The following PKHD1 variants were observed in gnomAD, a reference collection of about 807,000 sequenced individuals.
PKHD1 encodes PKHD1 ciliary IPT domain containing fibrocystin/polyductin, also known as fibrocystin.
In PKHD1, 291 loss-of-function variants were observed where a neutral mutation model predicts 412.0. The ratio of observed to expected loss-of-function variants is 0.71; its 90% CI spans 0.64 to 0.78. The LOEUF is 0.78. Ranked by LOEUF, PKHD1 falls within the 30% of genes least tolerant of loss-of-function variation. The pLI is 0.00. For synonymous variants in PKHD1, 1,777 were observed against 1,821.5 expected (o/e 0.98, Z 0.62); for missense variants, 4,825 against 4,950.7 (o/e 0.97, Z 0.76).
chr6:52,043,382 T>C (rs1227630031), intron 26 of PKHD1, among the ~76,000 whole-genome samples: 3 of 152,164 alleles, frequency 2.0e-5, no homozygotes. Flanking sequence ...GAACATAATA[T>C]TTCAAAATAA....
chr6:51,859,448 C>T (rs1450423300), intron 48 of PKHD1, among the ~76,000 whole-genome samples: 2 of 146,888 alleles, frequency 1.4e-5, no homozygotes, highest in South Asian at 2.1e-4. Context: ...ATGGCGTGAA[C>T]CTGGGAGGCA....
intron 37 of PKHD1, among the ~76,000 whole-genome samples, chr6:51,928,933 G>A (rs1786140553): frequency 6.6e-6 from 1 of 152,058 alleles, no homozygotes; most frequent in Admixed American, 6.6e-5. Flanking sequence ...GTTTCCAGTG[G>A]GCTTCTGTCC....
At chr6:51,833,093 C>T (rs927328450) in intron 51 of PKHD1, among the ~76,000 whole-genome samples, 4 of 152,126 alleles carry the variant, frequency 2.6e-5, no homozygotes, top group Admixed American at 6.6e-5. Flanking sequence ...CAGGGTGACC[C>T]CTAGCTTGCC....
chr6:51,796,682 T>A (rs1794659947), intron 52 of PKHD1, among the ~76,000 whole-genome samples: 1 of 152,190 alleles, frequency 6.6e-6, no homozygotes, highest in Non-Finnish European at 1.5e-5. Context: ...GTCCCAGATA[T>A]TCTGGTATGG....
At chr6:51,764,409 AAAC>A (rs1788599419) in intron 55 of PKHD1, among the ~76,000 whole-genome samples, 1 of 147,210 alleles carries the variant, frequency 6.8e-6, no homozygotes, top group African/African-American at 2.5e-5. Flanking sequence ...AAAAGTCAGG[AAAC>A]AACAGGTGCT....
chr6:51,947,600 C>T (rs1384747993), intron 36 of PKHD1, among the ~76,000 whole-genome samples: 1 of 152,134 alleles, frequency 6.6e-6, no homozygotes, highest in Non-Finnish European at 1.5e-5. Flanking sequence ...CCTCTTACTT[C>T]TTAGGCATCC....
chr6:51,942,466 C>T (rs919688829), intron 36 of PKHD1, among the ~76,000 whole-genome samples: 1 of 151,640 alleles, frequency 6.6e-6, no homozygotes, highest in Non-Finnish European at 1.5e-5. Context: ...TTCTTCCTCA[C>T]ACCTGACACA....
At chr6:51,823,030 T>C (rs1562391548) in intron 52 of PKHD1, among the ~76,000 whole-genome samples, 3 of 151,472 alleles carry the variant, frequency 2.0e-5, no homozygotes, top group Non-Finnish European at 4.4e-5. Flanking sequence ...CTTTAAGAAA[T>C]AGTTGTAAAC....
At chr6:51,699,120 T>C (rs1305358737) in intron 60 of PKHD1, among the ~76,000 whole-genome samples, 2 of 152,194 alleles carry the variant, frequency 1.3e-5, no homozygotes, top group African/African-American at 4.8e-5. Context: ...TTTTTTCTTT[T>C]GTTGTAAAGT....
At chr6:52,064,142 T>G (rs1007846866) in intron 13 of PKHD1, among the ~76,000 whole-genome samples, 2 of 152,246 alleles carry the variant, frequency 1.3e-5, no homozygotes, top group South Asian at 2.1e-4. Context: ...TTTCTTCCCC[T>G]GCTGGGCAAC....
Position 52,024,808 on chromosome 6 carries a change from C to T in PKHD1, c.5002G>A (p.Asp1668Asn), listed in dbSNP as rs768749361. Residue 1668 changes from aspartate to asparagine, a missense_variant, in exon 32 of 67, where the codon GAC becomes AAC. Transcript: ENST00000371117. The part of the protein sequence containing the change: ...PELISISQSD[D>N]ILTFAVAQIS... ...TGGGCCACTGCAAAGGTTAAGATGT[C>T]ATCGCTCTGAGAAATAGAGATCAAT... The T allele has an allele frequency of 9.3e-6, 15 of 1,614,094 alleles. No individual in the cohort carries two copies. Among genetic ancestry groups the T allele is most frequent in the Non-Finnish European group, 5.1e-6 (6 of 1,180,044 alleles).
At chr6:51,660,980 T>TC (rs1309889693) in intron 60 of PKHD1, among the ~76,000 whole-genome samples, 1 of 152,088 alleles carries the variant, frequency 6.6e-6, no homozygotes, top group Non-Finnish European at 1.5e-5. Flanking sequence ...CGTGATTGGT[T>TC]CCCCTGGCAA....
chr6:51,781,057 C>T (rs1234156357), intron 53 of PKHD1, among the ~76,000 whole-genome samples: 1 of 152,122 alleles, frequency 6.6e-6, no homozygotes, highest in East Asian at 1.9e-4. Flanking sequence ...GGAAGTTGAG[C>T]TTCTACCCAA....
At position 51,981,339 on chromosome 6, in the gene PKHD1, C is replaced by A. The variant is rs1248743553; in HGVS notation, c.5752-21313G>T. On this transcript the variant is annotated intron_variant, in intron 35 of 66. Coordinates refer to ENST00000371117, the MANE Select transcript of PKHD1 (RefSeq NM_138694.4). The stretch of plus-strand genomic sequence containing the variant: ...TCCCTCTCCCTCTCCCTCTCCCTCT[C>A]CCTCTCCCTCTCCCTCTCCCTCTCC... Among the ~76,000 whole-genome samples the A allele has an allele frequency of 1.2e-3, 91 of 74,256 alleles. 1 individual carries two copies. Among genetic ancestry groups the A allele is most frequent in the African/African-American group, 4.1e-3 (91 of 22,054 alleles). 48.7% of individuals were successfully genotyped at this position (74,256 alleles called of 152,430 possible). A position where few individuals can be genotyped will look rare whatever the true frequency, so the allele number is the denominator to read the frequency against.
At position 51,959,982 on chromosome 6, in the gene PKHD1, G is replaced by GT; in HGVS notation, c.5795dup (p.His1932GlnfsTer6). The GT allele has an allele frequency of 6.2e-7, 1 of 1,613,508 alleles. No individual in the cohort carries two copies. Among genetic ancestry groups the GT allele is most frequent in the East Asian group, 2.2e-5 (1 of 44,862 alleles). ...GTGGCAGCCTTTCAGGAAACCAGCTGTGAGTCCTGGACCATCTCCGGCAGA... is the reference window on the plus strand; with the variant it reads ...GTGGCAGCCTTTCAGGAAACCAGCTGTTGAGTCCTGGACCATCTCCGGCAGA... On this transcript the variant is annotated frameshift_variant, in exon 36 of 67. Transcript: ENST00000371117. LOFTEE classifies it high-confidence loss of function.
chr6:51,956,344 C>A (rs1284175255), intron 36 of PKHD1, among the ~76,000 whole-genome samples: 1 of 151,064 alleles, frequency 6.6e-6, no homozygotes, highest in Non-Finnish European at 1.5e-5. Flanking sequence ...TCAGTGAGAA[C>A]AACTAAGGAC....
chr6:52,034,985 G>A (rs1457252480), intron 28 of PKHD1, among the ~76,000 whole-genome samples: 1 of 152,122 alleles, frequency 6.6e-6, no homozygotes, highest in African/African-American at 2.4e-5. Flanking sequence ...AAGTTCAGTG[G>A]CAGCAGTGCG....
chr6:51,659,965 T>C lies in PKHD1; in HGVS notation c.10161A>G (p.Thr3387=). 6.3e-7 allele frequency: 1 copy of C among 1,592,970 alleles called. No individual in the cohort carries two copies. The highest frequency in any genetic ancestry group is 1.1e-5 in the South Asian group (1 of 90,598). The change falls in exon 61 of 67, where the codon ACA becomes ACG. Residue 3387 remains threonine, a synonymous_variant. Coordinates refer to ENST00000371117, the MANE Select transcript of PKHD1 (RefSeq NM_138694.4). ...ATGTACATTTCTGTTCTTCTCTAAA[T>C]GTACCTATAAAAGAAAAGAAGCAAA... ...EWTASFFNAG[T]FREEQKCTYQ...
chr6:51,707,603 T>C (rs1007079927), intron 60 of PKHD1, among the ~76,000 whole-genome samples: 2 of 152,136 alleles, frequency 1.3e-5, no homozygotes, highest in African/African-American at 2.4e-5. Context: ...CAACCTTTCA[T>C]ACTTGCTAGA....
Sources: gnomAD v4.1 joint callset for allele counts (sites outside exome capture counted in the v4.1 genomes callset) on GRCh38, gnomAD v4.1.1 for gene constraint, MANE v1.5 for transcripts, NCBI Gene and HGNC (gene_info 2026-07-23, HGNC 2026-07-21) for gene names.